EDC3: variants seen among roughly 807,000 people sequenced by gnomAD.
EDC3 encodes enhancer of mRNA-decapping protein 3.
Under a neutral mutation model 41.8 loss-of-function variants are expected in EDC3, and 20 were observed. That is an observed-to-expected ratio of 0.48 (90% confidence interval 0.34 to 0.70). The LOEUF (loss-of-function observed/expected upper bound fraction) is 0.70, where lower values mean the gene tolerates loss of function less well. EDC3 is among the 30% of genes least tolerant of loss of function. EDC3 has a pLI of 0.01. For synonymous variants in EDC3, 206 were observed against 243.2 expected (o/e 0.85, Z 1.42); for missense variants, 444 against 636.8 (o/e 0.70, Z 3.26).
At chr15:74,690,943 C>T (rs2063000792) in intron 1 of EDC3, among the ~76,000 whole-genome samples, 1 of 152,144 alleles carries the variant, frequency 6.6e-6, no homozygotes, top group Non-Finnish European at 1.5e-5. Flanking sequence ...GTCTGCAATC[C>T]TAGCACTGTG....
chr15:74,657,692 T>A (rs2062566893), intron 3 of EDC3, among the ~76,000 whole-genome samples: 1 of 152,188 alleles, frequency 6.6e-6, no homozygotes, highest in Admixed American at 6.5e-5. Context: ...AATCTATGCT[T>A]ACCCAGCAAG....
chr15:74,635,044 C>T (rs1216808281), intron 6 of EDC3: 1 of 476,164 alleles, frequency 2.1e-6, no homozygotes, highest in Admixed American at 2.3e-5. Context: ...TTATCCACAT[C>T]ACTTACTACA....
chr15:74,646,218 G>A (rs770444750), intron 4 of EDC3, among the ~76,000 whole-genome samples: 12 of 151,842 alleles, frequency 7.9e-5, no homozygotes, highest in Non-Finnish European at 1.6e-4. Context: ...AATTACAGAC[G>A]TGCACCACCA....
chr15:74,694,553 G>A (rs542078894), intron 1 of EDC3, among the ~76,000 whole-genome samples: 5 of 152,342 alleles, frequency 3.3e-5, no homozygotes, highest in African/African-American at 7.2e-5. Flanking sequence ...TGATCCACCC[G>A]CCTCAGCATC....
intron 1 of EDC3, 104 bp from the exon 2 acceptor site, chr15:74,675,246 C>T: frequency 9.5e-7 from 1 of 1,055,210 alleles, no homozygotes; most frequent in Non-Finnish European, 1.3e-6. Context: ...GTTAATAAAA[C>T]ATATTCTATC....
At chr15:74,660,433 A>ATG (rs1491159607) in intron 3 of EDC3, among the ~76,000 whole-genome samples, 666 of 47,172 alleles carry the variant, frequency 0.014, 4 homozygotes, top group African/African-American at 0.033. Flanking sequence ...ATATATATAT[A>ATG]TGTGTGTGTG....
intron 4 of EDC3, among the ~76,000 whole-genome samples, chr15:74,651,629 T>G (rs2062481517): frequency 6.6e-6 from 1 of 152,228 alleles, no homozygotes; most frequent in Admixed American, 6.5e-5. Flanking sequence ...AAATATGTTG[T>G]TCTTTTGCTA....
chr15:74,685,682 A>T (rs903655871), intron 1 of EDC3, among the ~76,000 whole-genome samples: 1 of 152,178 alleles, frequency 6.6e-6, no homozygotes, highest in Admixed American at 6.6e-5. Flanking sequence ...AATCCTATAT[A>T]AGGTATGAAA....
At chr15:74,689,819 C>T (rs185420716) in intron 1 of EDC3, among the ~76,000 whole-genome samples, 32 of 152,282 alleles carry the variant, frequency 2.1e-4, no homozygotes, top group Admixed American at 7.8e-4. Context: ...CCACTGCGCC[C>T]GGCCCTGCCT....
chr15:74,640,356 A>G (rs2062334608), intron 5 of EDC3, 110 bp downstream of exon 5: 1 of 1,259,688 alleles, frequency 7.9e-7, no homozygotes. Flanking sequence ...CCATCAGATG[A>G]GCAGAAACTG....
At chr15:74,653,154 T>C (rs2062501664) in intron 4 of EDC3, among the ~76,000 whole-genome samples, 1 of 149,020 alleles carries the variant, frequency 6.7e-6, no homozygotes, top group African/African-American at 2.5e-5. Context: ...GCCACTGCAC[T>C]GCAGCCTGGA....
At chr15:74,662,225 T>C (rs1038251885) in intron 3 of EDC3, among the ~76,000 whole-genome samples, 1 of 152,110 alleles carries the variant, frequency 6.6e-6, no homozygotes, top group Admixed American at 6.6e-5. Flanking sequence ...ACAGTGTGCG[T>C]TACCACTGAC....
At chr15:74,662,546 G>A (rs140862453) in intron 3 of EDC3, among the ~76,000 whole-genome samples, 210 of 151,962 alleles carry the variant, frequency 1.4e-3, no homozygotes, top group African/African-American at 4.7e-3. Context: ...TAAAAATCAT[G>A]CCAACTTTGT....
At position 74,671,284 on chromosome 15, in the gene EDC3, C is replaced by T. The variant is rs930705022; in HGVS notation, c.484+171G>A. Among the ~76,000 whole-genome samples the T allele has an allele frequency of 8.5e-5, 13 of 152,220 alleles. No homozygotes were observed. The highest frequency in any genetic ancestry group is 1.9e-4 in the Non-Finnish European group (13 of 68,042). On this transcript the variant is annotated intron_variant, in intron 3 of 6. Coordinates refer to ENST00000315127, the MANE Select transcript of EDC3 (RefSeq NM_025083.5). The surrounding 1 kb of genome is among the most constrained non-coding windows in gnomAD (Gnocchi z 4.6). The stretch of plus-strand genomic sequence containing the variant: ...TAACAGCTTATTTCCTTTCCCTTAA[C>T]ATCTTGAGGAATGAGGCCTGGAGGA...
chr15:74,656,216 AAAC>A, intron 3 of EDC3, 148 bp from the exon 4 acceptor site: 1 of 759,008 alleles, frequency 1.3e-6, no homozygotes, highest in South Asian at 1.9e-5. Context: ...TAAGTAGCAC[AAAC>A]AACAAATCTC....
chr15:74,670,966 TG>T (rs2062731670), intron 3 of EDC3, among the ~76,000 whole-genome samples: 1 of 152,008 alleles, frequency 6.6e-6, no homozygotes, highest in East Asian at 1.9e-4. Context: ...AAGAATCCTC[TG>T]GAACAGCCCA....
intron 4 of EDC3, among the ~76,000 whole-genome samples, chr15:74,648,711 C>T (rs375381385): frequency 2.0e-4 from 31 of 152,262 alleles, no homozygotes; most frequent in Middle Eastern, 6.8e-3. Flanking sequence ...TAAATCTCAG[C>T]GCACAGTGTG....
intron 1 of EDC3, among the ~76,000 whole-genome samples, chr15:74,686,307 G>A (rs966844451): frequency 6.1e-5 from 9 of 146,488 alleles, no homozygotes; most frequent in Admixed American, 2.7e-4. Context: ...CCTGGGCAAC[G>A]AGAACAAGAC....
intron 4 of EDC3, among the ~76,000 whole-genome samples, chr15:74,649,812 CT>C (rs1429245033): frequency 6.6e-6 from 1 of 150,524 alleles, no homozygotes; most frequent in Non-Finnish European, 1.5e-5. Context: ...CAACTCTTGC[CT>C]TTGCTTTCTC....
Sources: allele counts gnomAD v4.1 joint callset (sites outside exome capture counted in the v4.1 genomes callset), GRCh38; gene constraint gnomAD v4.1.1; non-coding constraint Gnocchi (gnomAD v3.1); transcripts MANE v1.5; gene names NCBI Gene and HGNC (gene_info 2026-07-23, HGNC 2026-07-21).